The following RNGTT variants were observed in gnomAD, a reference collection of about 807,000 sequenced individuals.
The protein encoded by RNGTT is RNA guanylyltransferase and 5'-phosphatase, also known as mRNA-capping enzyme.
Under a neutral mutation model 79.3 loss-of-function variants are expected in RNGTT, and 33 were observed. The observed-to-expected ratio is 0.42, with a 90% confidence interval of 0.32 to 0.56. RNGTT has a LOEUF of 0.56. Among genes scored for constraint, RNGTT ranks in the 20% least tolerant of loss-of-function variants. The pLI is 0.17. For missense variants in RNGTT, 497 were observed against 739.1 expected (o/e 0.67, Z 3.80); for synonymous variants, 222 against 235.9 (o/e 0.94, Z 0.54).
At chr6:88,616,588 C>G (rs374522596) in intron 14 of RNGTT, among the ~76,000 whole-genome samples, 30 of 151,972 alleles carry the variant, frequency 2.0e-4, no homozygotes, top group African/African-American at 7.3e-4. Flanking sequence ...TTCATAGTGG[C>G]CATCCTGATG....
At chr6:88,793,158 T>C (rs929089979) in intron 12 of RNGTT, among the ~76,000 whole-genome samples, 17 of 152,114 alleles carry the variant, frequency 1.1e-4, no homozygotes, top group Admixed American at 5.2e-4. Flanking sequence ...TTAAAGTTGG[T>C]AACATGTGCT....
intron 11 of RNGTT, among the ~76,000 whole-genome samples, chr6:88,803,564 G>A: frequency 8.3e-6 from 1 of 120,658 alleles, no homozygotes; most frequent in African/African-American, 3.4e-5. Flanking sequence ...GCAACAGAGT[G>A]AGACTCCATC....
intron 13 of RNGTT, among the ~76,000 whole-genome samples, chr6:88,746,777 CT>C (rs1320216089): frequency 6.6e-5 from 10 of 152,186 alleles, no homozygotes; most frequent in Non-Finnish European, 1.5e-4. Context: ...TTGGGCACCC[CT>C]GTACTAGAAT....
At chr6:88,778,034 T>C (rs142413261) in intron 12 of RNGTT, among the ~76,000 whole-genome samples, 4 of 152,340 alleles carry the variant, frequency 2.6e-5, no homozygotes, top group Non-Finnish European at 5.9e-5. Flanking sequence ...TTTGTATGAA[T>C]CTGTGGAGAT....
At chr6:88,916,684 T>C (rs988099672) in intron 4 of RNGTT, among the ~76,000 whole-genome samples, 3 of 152,212 alleles carry the variant, frequency 2.0e-5, no homozygotes, top group African/African-American at 4.8e-5. Flanking sequence ...GTTATACATT[T>C]GATACATTTA....
chr6:88,699,189 TGTGAAAAGTA>T (rs1208182742), intron 13 of RNGTT, among the ~76,000 whole-genome samples: 1 of 152,158 alleles, frequency 6.6e-6, no homozygotes, highest in Non-Finnish European at 1.5e-5. Flanking sequence ...TCAGCAAAAA[TGTGAAAAGTA>T]GTCATATAAT....
chr6:88,698,211 AATATATATATC>A (rs1775789615), intron 13 of RNGTT, among the ~76,000 whole-genome samples: 1 of 105,650 alleles, frequency 9.5e-6, no homozygotes, highest in South Asian at 2.5e-4. Flanking sequence ...ATATATATGA[AATATATATATC>A]ATATATATAT....
intron 1 of RNGTT, among the ~76,000 whole-genome samples, chr6:88,961,496 G>A (rs1785622289): frequency 1.3e-5 from 2 of 151,752 alleles, no homozygotes; most frequent in African/African-American, 4.8e-5. Context: ...GAGTGCAGTG[G>A]TGCAATCTCA....
chr6:88,671,111 A>C (rs1214402143), intron 14 of RNGTT, among the ~76,000 whole-genome samples: 2 of 152,246 alleles, frequency 1.3e-5, no homozygotes, highest in African/African-American at 4.8e-5. Flanking sequence ...CAGGGCAATC[A>C]GACATGGGAA....
intron 13 of RNGTT, among the ~76,000 whole-genome samples, chr6:88,692,043 A>AT (rs1582336992): frequency 2.0e-5 from 3 of 152,218 alleles, no homozygotes; most frequent in Admixed American, 6.5e-5. Flanking sequence ...AAAAAGAAAC[A>AT]TAACTACATT....
intron 12 of RNGTT, among the ~76,000 whole-genome samples, chr6:88,774,546 CA>C (rs1240880538): frequency 1.3e-5 from 2 of 152,064 alleles, no homozygotes; most frequent in African/African-American, 4.8e-5. Flanking sequence ...GCATTCTTCA[CA>C]AAAATTAAAA....
intron 13 of RNGTT, chr6:88,714,119 C>T (rs1227770791): frequency 1.3e-5 from 2 of 151,992 alleles, no homozygotes; most frequent in African/African-American, 4.8e-5. Flanking sequence ...TCTTACCTCC[C>T]GAAGATACAC....
At chr6:88,854,210 A>C (rs981642309) in intron 8 of RNGTT, among the ~76,000 whole-genome samples, 2 of 152,110 alleles carry the variant, frequency 1.3e-5, no homozygotes, top group Admixed American at 1.3e-4. Context: ...GATTACAGCG[A>C]TGAGCCACCA....
rs557225279 is a variant in RNGTT at position 88,843,397 on chromosome 6, G to A, written c.1269+960C>T. 3.2e-3 allele frequency among the ~76,000 whole-genome samples: 484 copies of A among 151,930 alleles called. 6 individuals are homozygous for A. Among genetic ancestry groups the A allele is most frequent in the South Asian group, 0.027 (130 of 4,810 alleles). On this transcript the variant is annotated intron_variant, in intron 11 of 15. Transcript: ENST00000369485. ...CCCATCAATTACAACATAATGTATA[G>A]TACACCTTTACTATCATTACCATGC...
At chr6:88,751,500 C>G (rs1777837981) in intron 13 of RNGTT, among the ~76,000 whole-genome samples, 1 of 152,018 alleles carries the variant, frequency 6.6e-6, no homozygotes, top group Non-Finnish European at 1.5e-5. Context: ...AATGAAAATA[C>G]AGTGTACTGT....
chr6:88,642,751 C>G (rs1378147349), intron 14 of RNGTT, among the ~76,000 whole-genome samples: 1 of 152,112 alleles, frequency 6.6e-6, no homozygotes, highest in Non-Finnish European at 1.5e-5. Context: ...GCAATATTTA[C>G]TTAGTAAGAC....
At chr6:88,816,891 A>T (rs895229005) in intron 11 of RNGTT, among the ~76,000 whole-genome samples, 1 of 152,176 alleles carries the variant, frequency 6.6e-6, no homozygotes, top group Non-Finnish European at 1.5e-5. Flanking sequence ...ATGGGGACAC[A>T]GGGGGCACAC....
intron 8 of RNGTT, among the ~76,000 whole-genome samples, chr6:88,859,153 A>G (rs1387999455): frequency 1.3e-5 from 2 of 152,110 alleles, no homozygotes; most frequent in South Asian, 2.1e-4. Context: ...CACCGTACTC[A>G]GTCTGAAAAT....
chr6:88,624,316 G>C (rs975906846), intron 14 of RNGTT, among the ~76,000 whole-genome samples: 5 of 151,894 alleles, frequency 3.3e-5, no homozygotes, highest in Non-Finnish European at 7.4e-5. Flanking sequence ...GATACTAACT[G>C]ATCTCAAAAC....
Sources: gnomAD v4.1 joint callset for allele counts (sites outside exome capture counted in the v4.1 genomes callset) on GRCh38, gnomAD v4.1.1 for gene constraint, MANE v1.5 for transcripts, NCBI Gene and HGNC (gene_info 2026-07-23, HGNC 2026-07-21) for gene names.